CERT1: variants seen among roughly 807,000 people sequenced by gnomAD.
The protein encoded by CERT1 is ceramide transporter 1, also known as ceramide transfer protein.
Under a neutral mutation model 87.9 loss-of-function variants are expected in CERT1, and 31 were observed. The observed-to-expected ratio is 0.35, with a 90% confidence interval of 0.27 to 0.48. The LOEUF is 0.48. Among genes scored for constraint, CERT1 ranks in the 20% least tolerant of loss-of-function variants. The pLI is 0.99. For synonymous variants in CERT1, 289 were observed against 250.9 expected, an observed-to-expected ratio of 1.15 and a Z score of -1.44; for missense variants, 487 against 758.0, an observed-to-expected ratio of 0.64 and a Z score of 4.20.
chr5:75,485,312 C>CAAAAAAAAAAAAAAAAAAAAAAAAAAAAA (rs757349878), intron 2 of CERT1, among the ~76,000 whole-genome samples: 2 of 46,438 alleles, frequency 4.3e-5, no homozygotes, highest in African/African-American at 9.1e-5. Context: ...CACAAAAATA[C>CAAAAAAAAAAAAAAAAAAAAAAAAAAAAA]AAAAAAAAAA....
intron 3 of CERT1, among the ~76,000 whole-genome samples, chr5:75,429,824 T>C (rs1169233632): frequency 7.6e-6 from 1 of 131,810 alleles, no homozygotes; most frequent in Non-Finnish European, 1.6e-5. Flanking sequence ...GATAAGTTCA[T>C]CCAAATATAA....
chr5:75,438,985 C>A (rs189193060), intron 3 of CERT1, among the ~76,000 whole-genome samples: 42 of 151,138 alleles, frequency 2.8e-4, no homozygotes, highest in Admixed American at 9.2e-4. Context: ...AATCTTTTGG[C>A]CACTAGAGGA....
At chr5:75,413,347 G>C (rs555712823) in intron 7 of CERT1, among the ~76,000 whole-genome samples, 1 of 152,264 alleles carries the variant, frequency 6.6e-6, no homozygotes, top group African/African-American at 2.4e-5. Flanking sequence ...TACCACATCA[G>C]CGTTAAAGAC....
intron 2 of CERT1, among the ~76,000 whole-genome samples, chr5:75,502,010 T>C (rs1438870131): frequency 1.3e-5 from 2 of 151,888 alleles, no homozygotes; most frequent in Non-Finnish European, 2.9e-5. Flanking sequence ...GGGCCTAATA[T>C]AGACTATAAA....
At chr5:75,390,003 C>T (rs1561227236) in intron 11 of CERT1, among the ~76,000 whole-genome samples, 1 of 152,026 alleles carries the variant, frequency 6.6e-6, no homozygotes. Context: ...TATCATAAAA[C>T]AGAGATGATG....
At chr5:75,382,290 C>A (rs998956312) in intron 14 of CERT1, among the ~76,000 whole-genome samples, 1 of 152,008 alleles carries the variant, frequency 6.6e-6, no homozygotes, top group African/African-American at 2.4e-5. Context: ...TTTTTAATTG[C>A]AGTAAAATAT....
intron 3 of CERT1, among the ~76,000 whole-genome samples, chr5:75,431,440 G>A (rs1428359688): frequency 6.6e-6 from 1 of 152,136 alleles, no homozygotes; most frequent in Non-Finnish European, 1.5e-5. Context: ...GCAGGCAGAG[G>A]GAGCTCAGGA....
At chr5:75,429,464 A>G (rs1763775283) in intron 3 of CERT1, among the ~76,000 whole-genome samples, 1 of 152,044 alleles carries the variant, frequency 6.6e-6, no homozygotes, top group African/African-American at 2.4e-5. Flanking sequence ...CGGCTTCCCA[A>G]AGTGCTGGGC....
At chr5:75,470,878 T>A (rs2112352889) in intron 2 of CERT1, among the ~76,000 whole-genome samples, 1 of 152,184 alleles carries the variant, frequency 6.6e-6, no homozygotes, top group East Asian at 1.9e-4. Context: ...AATAAATGAA[T>A]TCAGTAAGCT....
In CERT1 at chr5:75,434,185, G is replaced by GT. The variant is rs1561260698; in HGVS notation, c.349-7708_349-7707insA. 6.1e-4 allele frequency among the ~76,000 whole-genome samples: 86 copies of GT among 141,078 alleles called. 1 individual carries two copies. The highest frequency in any genetic ancestry group is 2.2e-3 in the African/African-American group (80 of 36,010). 92.6% of individuals were successfully genotyped at this position (141,078 alleles called of 152,430 possible). A position where few individuals can be genotyped will look rare whatever the true frequency, so the allele number is the denominator to read the frequency against. The stretch of plus-strand genomic sequence containing the variant: ...GTTCCTTCAATGCCTAGTTTGTTGA[G>GT]GTTTTTTTTTTTTTTTTTTTATCAT... On this transcript the variant is annotated intron_variant, in intron 3 of 16. Coordinates refer to ENST00000643780, the MANE Select transcript of CERT1 (RefSeq NM_001379029.1).
At chr5:75,422,271 C>T (rs1189013132) in intron 5 of CERT1, among the ~76,000 whole-genome samples, 1 of 152,104 alleles carries the variant, frequency 6.6e-6, no homozygotes, top group African/African-American at 2.4e-5. Flanking sequence ...TTAAATCTTC[C>T]TCTCAAACTA....
chr5:75,486,404 A>G (rs1291826669), intron 2 of CERT1, among the ~76,000 whole-genome samples: 2 of 152,130 alleles, frequency 1.3e-5, no homozygotes, highest in African/African-American at 4.8e-5. Flanking sequence ...TAAATGGAAC[A>G]AAAGTGAAAG....
intron 2 of CERT1, among the ~76,000 whole-genome samples, chr5:75,480,727 T>C (rs1766200255): frequency 6.6e-6 from 1 of 152,222 alleles, no homozygotes; most frequent in Admixed American, 6.5e-5. Context: ...TTTCTGTAAA[T>C]GGTAACAATA....
At chr5:75,460,390 A>G (rs1765174644) in intron 2 of CERT1, among the ~76,000 whole-genome samples, 1 of 152,196 alleles carries the variant, frequency 6.6e-6, no homozygotes. Context: ...ATTACATAAG[A>G]TCTACATGAG....
rs149674016 is a variant in CERT1, at chr5:75,455,106, C to T, written c.348+3959G>A. 2.2e-3 allele frequency among the ~76,000 whole-genome samples: 342 copies of T among 152,268 alleles called. 1 individual carries two copies. The highest frequency in any genetic ancestry group is 7.6e-3 in the African/African-American group (316 of 41,556). On this transcript the variant is annotated intron_variant, in intron 3 of 16. Transcript: ENST00000643780. The stretch of plus-strand genomic sequence containing the variant: ...CATTACATCTGAAAAGTATGTTCAG[C>T]AAATAGATGCGATGCAATGCCTACA...
intron 2 of CERT1, among the ~76,000 whole-genome samples, chr5:75,492,619 C>G (rs975284179): frequency 1.3e-5 from 2 of 152,188 alleles, no homozygotes; most frequent in African/African-American, 4.8e-5. Context: ...ATACCTCTTC[C>G]CATTTCTGAT....
chr5:75,418,233 T>A (rs989019827), intron 6 of CERT1, among the ~76,000 whole-genome samples: 2 of 152,066 alleles, frequency 1.3e-5, no homozygotes, highest in Non-Finnish European at 2.9e-5. Flanking sequence ...AGAGCAGATA[T>A]AAATGGCAAA....
chr5:75,395,582 C>T (rs1026692205), intron 11 of CERT1, among the ~76,000 whole-genome samples: 3 of 136,346 alleles, frequency 2.2e-5, no homozygotes, highest in African/African-American at 5.9e-5. Flanking sequence ...AAAAAAAATG[C>T]TGGGCATGGT....
At chr5:75,392,741 G>A (rs558331346) in intron 11 of CERT1, among the ~76,000 whole-genome samples, 14 of 151,908 alleles carry the variant, frequency 9.2e-5, no homozygotes, top group East Asian at 1.9e-4. Context: ...AGGCTGAGGC[G>A]GGCAGATCAC....
Sources: gnomAD v4.1 joint callset for allele counts (sites outside exome capture counted in the v4.1 genomes callset) on GRCh38, gnomAD v4.1.1 for gene constraint, MANE v1.5 for transcripts, NCBI Gene and HGNC (gene_info 2026-07-23, HGNC 2026-07-21) for gene names.